The following LRRC4B variants were observed in gnomAD, a reference collection of about 807,000 sequenced individuals.
The protein encoded by LRRC4B is leucine rich repeat containing 4B, also known as leucine-rich repeat-containing protein 4B.
In LRRC4B, 1 loss-of-function variant was observed where a neutral mutation model predicts 7.3. The ratio of observed to expected loss-of-function variants is 0.14; its 90% CI spans 0.05 to 0.65. The LOEUF (loss-of-function observed/expected upper bound fraction) is 0.65, where lower values mean the gene tolerates loss of function less well. Among genes scored for constraint, LRRC4B ranks in the 30% least tolerant of loss-of-function variants. The probability of loss-of-function intolerance (pLI) is 0.84; values close to 1 mark genes in which losing one functional copy is unlikely to be tolerated. For missense variants in LRRC4B, 730 were observed against 1,041.6 expected (o/e 0.70, Z 4.12); for synonymous variants, 500 against 499.2 (o/e 1.00, Z -0.02).
Position 50,520,232 on chromosome 19 carries a change from AAAAAAAAAAAAAAAAGAAG to A in LRRC4B, c.298-836_298-818del, listed in dbSNP as rs1568715994. On this transcript the variant is annotated intron_variant, in intron 2 of 2. Coordinates refer to ENST00000652263, the MANE Select transcript of LRRC4B (RefSeq NM_001080457.2). ...AAAAAAAAAAAAAAAAAAAAAAAAAAAAAAAAAAAAAAAAAGAAGAAAAGAAAAGAAAAATGAACAAACA... is the reference window on the plus strand; with the variant it reads ...AAAAAAAAAAAAAAAAAAAAAAAAAAAAAAGAAAAGAAAAATGAACAAACA... 6.7e-3 allele frequency among the ~76,000 whole-genome samples: 458 copies of A among 68,626 alleles called. 82 individuals carry two copies. Among genetic ancestry groups the A allele is most frequent in the South Asian group, 0.013 (19 of 1,418 alleles). 45.0% of individuals were successfully genotyped at this position (68,626 alleles called of 152,430 possible). A position where few individuals can be genotyped will look rare whatever the true frequency, so the allele number is the denominator to read the frequency against.
chr19:50,529,485 A>G (rs16985358), intron 2 of LRRC4B, among the ~76,000 whole-genome samples: 3,871 of 152,198 alleles, frequency 0.025, 159 homozygotes, highest in African/African-American at 0.088. Flanking sequence ...CGCTAGGCAG[A>G]GAATGAGGTG....
chr19:50,520,248 G>GAAAAAAAAAAAAAAAAAA (rs1163666534), intron 2 of LRRC4B, among the ~76,000 whole-genome samples: 1 of 14,450 alleles, frequency 6.9e-5, no homozygotes, highest in African/African-American at 3.8e-4. Flanking sequence ...AAAAAAAAAA[G>GAAAAAAAAAAAAAAAAAA]AAGAAAAGAA....
intron 2 of LRRC4B, among the ~76,000 whole-genome samples, chr19:50,526,569 G>A (rs1462305705): frequency 2.0e-5 from 3 of 152,186 alleles, no homozygotes; most frequent in African/African-American, 4.8e-5. Flanking sequence ...AAGGATAGGC[G>A]CAGTGGCTTA....
intron 2 of LRRC4B, among the ~76,000 whole-genome samples, chr19:50,527,653 T>C (rs1980871814): frequency 6.6e-6 from 1 of 152,130 alleles, no homozygotes; most frequent in African/African-American, 2.4e-5. Flanking sequence ...TGGACATTGA[T>C]CTGTAATTGA....
At chr19:50,523,556 T>C (rs1980673068) in intron 2 of LRRC4B, among the ~76,000 whole-genome samples, 1 of 151,480 alleles carries the variant, frequency 6.6e-6, no homozygotes, top group Admixed American at 6.6e-5. Context: ...GGGGTGCCTG[T>C]AATCCCAGTT....
Position 50,517,479 on chromosome 19 carries a change from G to A in LRRC4B, c.*92C>T. 2 of 1,177,840 alleles carry A rather than the reference G, an allele frequency of 1.7e-6. No individual in the cohort carries two copies. The allele number at this position is 1,177,840 out of a possible 1,614,324, so 73.0% of individuals were successfully genotyped here. Reference sequence around the variant, plus strand: ...CTGCGTGGTCCCAGAAGGTGGGCTGGGCTGTGGGAGGGAGGGGTCCCGGTC... The same window carrying A: ...CTGCGTGGTCCCAGAAGGTGGGCTGAGCTGTGGGAGGGAGGGGTCCCGGTC... On this transcript the variant is annotated 3_prime_UTR_variant, in exon 3 of 3. Coordinates refer to ENST00000652263, the MANE Select transcript of LRRC4B (RefSeq NM_001080457.2). This position sits in a 1 kb window ranked among gnomAD's most constrained non-coding sequence, Gnocchi z 6.6.
chr19:50,529,942 ACCCTCCCCT>A, intron 2 of LRRC4B, among the ~76,000 whole-genome samples: 1 of 105,854 alleles, frequency 9.4e-6, no homozygotes, highest in South Asian at 3.2e-4. Context: ...TCTGTGCCCC[ACCCTCCCCT>A]CCCTCCCTTC....
chr19:50,550,057 G>A (rs901950977), intron 1 of LRRC4B, among the ~76,000 whole-genome samples: 21 of 152,146 alleles, frequency 1.4e-4, no homozygotes, highest in Admixed American at 9.8e-4. Context: ...TAGTCTCTCC[G>A]GAACACTGGG....
Position 50,517,602 on chromosome 19 carries a change from G to A in LRRC4B, c.2111C>T (p.Ser704Phe). The A allele has an allele frequency of 6.8e-7, 1 of 1,463,968 alleles. No individual in the cohort carries two copies. The highest frequency in any genetic ancestry group is 9.0e-7 in the Non-Finnish European group (1 of 1,109,118). 90.7% of individuals were successfully genotyped at this position (1,463,968 alleles called of 1,614,324 possible). Reference protein sequence around the residue: ...IHEPLLFKSGSKENVQETQI With the variant: ...IHEPLLFKSGFKENVQETQI Reference sequence around the variant, plus strand: ...CTGCGTCTCTTGCACGTTCTCCTTGGAGCCGCTCTTGAAGAGCAGAGGTTC... The same window carrying A: ...CTGCGTCTCTTGCACGTTCTCCTTGAAGCCGCTCTTGAAGAGCAGAGGTTC... The change falls in exon 3 of 3, where the codon TCC (serine) becomes TTC (phenylalanine). Residue 704 changes from serine (S) to phenylalanine (F), a missense_variant. Physicochemically the swap from Ser to Phe is radical, Grantham distance 155. Around this residue, in one of 6 missense-constraint regions of LRRC4B, gnomAD observed 5 missense variants for 18.5 expected, o/e 0.27. Transcript: ENST00000652263. The surrounding 1 kb of genome is among the most constrained non-coding windows in gnomAD (Gnocchi z 6.6).
chr19:50,520,349 G>A (rs1007369783), intron 2 of LRRC4B, among the ~76,000 whole-genome samples: 1 of 151,658 alleles, frequency 6.6e-6, no homozygotes, highest in African/African-American at 2.4e-5. Context: ...TTTGGGGACG[G>A]CCAGGCATGG....
Position 50,534,962 on chromosome 19 carries a change from G to A in LRRC4B, c.297+13580C>T, listed in dbSNP as rs570659550. 1.6e-4 allele frequency among the ~76,000 whole-genome samples: 24 copies of A among 151,948 alleles called. No individual in the cohort carries two copies. The East Asian group carries it at 3.7e-3, about 23-fold the overall frequency. ...CAGCTCACTGCAACCTCTGCCTCCCGGGTTCAAGTGATTCTCCTGCCTCAG... is the reference window on the plus strand; with the variant it reads ...CAGCTCACTGCAACCTCTGCCTCCCAGGTTCAAGTGATTCTCCTGCCTCAG... On this transcript the variant is annotated intron_variant, in intron 2 of 2. Transcript: ENST00000652263.
chr19:50,519,203 G>A lies in LRRC4B; in HGVS notation c.510C>T (p.Ile170=), dbSNP rs138901834. ...TGAAGGCGTAGGAGGGGATGCTCTC[G>A]ATGGGGTTGTTCCGCAGCCAGAGCT... ...LRELWLRNNP[I]ESIPSYAFNR... is the part of the protein sequence containing the mutation. Residue 170 remains isoleucine, a synonymous_variant, in exon 3 of 3, where the codon ATC becomes ATT. Coordinates refer to ENST00000652263, the MANE Select transcript of LRRC4B (RefSeq NM_001080457.2). The surrounding 1 kb of genome is among the most constrained non-coding windows in gnomAD (Gnocchi z 8.1). The A allele has an allele frequency of 2.5e-6, 4 of 1,614,030 alleles. No homozygotes were observed. The East Asian group carries it at 6.7e-5, about 27-fold the overall frequency.
intron 2 of LRRC4B, among the ~76,000 whole-genome samples, chr19:50,524,874 C>T (rs1980734100): frequency 1.3e-5 from 2 of 152,190 alleles, no homozygotes; most frequent in African/African-American, 4.8e-5. Context: ...TGCGGGTTTA[C>T]TCGGTGCCCA....
intron 2 of LRRC4B, among the ~76,000 whole-genome samples, chr19:50,528,663 C>T (rs1980923858): frequency 6.6e-6 from 1 of 152,146 alleles, no homozygotes; most frequent in Non-Finnish European, 1.5e-5. Context: ...TCTTAATAGG[C>T]TTCTGCCTTG....
rs149064269 is a variant in LRRC4B, at chr19:50,540,024, C to T, written c.297+8518G>A. Among the ~76,000 whole-genome samples the T allele has an allele frequency of 6.6e-3, 1,008 of 152,134 alleles. 5 individuals are homozygous for T. The highest frequency in any genetic ancestry group is 9.2e-3 in the Non-Finnish European group (629 of 68,002). On this transcript the variant is annotated intron_variant, in intron 2 of 2. Coordinates refer to ENST00000652263, the MANE Select transcript of LRRC4B (RefSeq NM_001080457.2). ...CCTGTTGACCTTCCTGGGTGTTTCT[C>T]GGTCTTTTAAAATATATTGCTTAAG...
chr19:50,517,299 C>G lies in LRRC4B; in HGVS notation c.*272G>C, dbSNP rs1980308397. 3.0e-6 allele frequency: 1 copy of G among 330,874 alleles called. No homozygotes were observed. The highest frequency in any genetic ancestry group is 5.5e-6 in the Non-Finnish European group (1 of 182,018). 20.5% of individuals were successfully genotyped at this position (330,874 alleles called of 1,614,324 possible). ...GAGCGAGGAGGAAACGCGGAGAACT[C>G]AGGCCACTTCTCCTGGGTCCCACGT... is the stretch of plus-strand genomic sequence containing the variant. On this transcript the variant is annotated 3_prime_UTR_variant, in exon 3 of 3. Coordinates refer to ENST00000652263, the MANE Select transcript of LRRC4B (RefSeq NM_001080457.2). This position sits in a 1 kb window ranked among gnomAD's most constrained non-coding sequence, Gnocchi z 6.6.
intron 1 of LRRC4B, among the ~76,000 whole-genome samples, chr19:50,552,183 C>A (rs1390189252): frequency 6.9e-6 from 1 of 144,510 alleles, no homozygotes; most frequent in Non-Finnish European, 1.5e-5. Flanking sequence ...GACCCCCTCG[C>A]CCCCACTTCC....
rs1980317531 is a variant in LRRC4B, at chr19:50,517,410, G to A, written c.*161C>T. On this transcript the variant is annotated 3_prime_UTR_variant, in exon 3 of 3. Transcript: ENST00000652263. This position sits in a 1 kb window ranked among gnomAD's most constrained non-coding sequence, Gnocchi z 6.6. ...GAGCCCCACCCTGTCCTTACTGGGG[G>A]TCCGAGCCCCAGATGGGGCTGGAAG... 1 of 532,846 alleles carries A rather than the reference G, an allele frequency of 1.9e-6. No individual in the cohort carries two copies. Among genetic ancestry groups the A allele is most frequent in the South Asian group, 7.8e-5 (1 of 12,758 alleles). The allele number at this position is 532,846 out of a possible 1,614,324, so 33.0% of individuals were successfully genotyped here. A position where few individuals can be genotyped will look rare whatever the true frequency, so the allele number is the denominator to read the frequency against.
intron 2 of LRRC4B, among the ~76,000 whole-genome samples, chr19:50,522,343 G>A (rs1980616122): frequency 6.6e-6 from 1 of 151,934 alleles, no homozygotes; most frequent in Non-Finnish European, 1.5e-5. Flanking sequence ...GTCCTTATTC[G>A]ATACCTGCAA....
Sources: gnomAD v4.1 joint callset for allele counts (sites outside exome capture counted in the v4.1 genomes callset) on GRCh38, gnomAD v4.1.1 for gene constraint, gnomAD v4.1.1 regional missense constraint, Gnocchi (gnomAD v3.1) non-coding constraint, MANE v1.5 for transcripts, NCBI Gene and HGNC (gene_info 2026-07-23, HGNC 2026-07-21) for gene names.